ZNF543: variants seen among roughly 807,000 people sequenced by gnomAD.
The protein encoded by ZNF543 is zinc finger protein 543.
In ZNF543, 10 loss-of-function variants were observed where a neutral mutation model predicts 13.4. The ratio of observed to expected loss-of-function variants is 0.75; its 90% CI spans 0.46 to 1.26. The LOEUF (loss-of-function observed/expected upper bound fraction) is 1.26, where lower values mean the gene tolerates loss of function less well. ZNF543 is among the 50% of genes most tolerant of loss of function. ZNF543 has a pLI of 0.00. For missense variants in ZNF543, 768 were observed against 741.2 expected, an observed-to-expected ratio of 1.04 and a Z score of -0.42; for synonymous variants, 272 against 264.7, an observed-to-expected ratio of 1.03 and a Z score of -0.27.
Position 57,328,688 on chromosome 19 carries a change from A to G in ZNF543, c.1226A>G (p.His409Arg). ...GGGAAGGCGTTCAACCGTAGGTCAC[A>G]CCTCAAGCAGCATCAACGGATTCAC... ...ECGKAFNRRS[H>R]LKQHQRIHTG... The change falls in exon 4 of 4, where the codon CAC becomes CGC. Residue 409 changes from histidine (H) to arginine (R), a missense_variant. His to Arg is a conservative substitution (Grantham distance 29). Coordinates refer to ENST00000321545, the MANE Select transcript of ZNF543 (RefSeq NM_213598.4). 6.2e-7 allele frequency: 1 copy of G among 1,613,470 alleles called. No homozygotes were observed. The highest frequency in any genetic ancestry group is 8.5e-7 in the Non-Finnish European group (1 of 1,179,660).
chr19:57,328,837 G>A lies in ZNF543; in HGVS notation c.1375G>A (p.Ala459Thr), dbSNP rs1600055263. Residue 459 changes from alanine to threonine, a missense_variant, in exon 4 of 4, where the codon GCC (alanine) becomes ACC (threonine). Physicochemically the swap from Ala to Thr is moderately conservative, Grantham distance 58 (BLOSUM62 0). Transcript: ENST00000321545. ...KPYECKECGK[A>T]FSDRADLIRH... Reference sequence around the variant, plus strand: ...CTATGAATGCAAAGAATGTGGAAAAGCCTTTAGTGATAGGGCAGACCTCAT... The same window carrying A: ...CTATGAATGCAAAGAATGTGGAAAAACCTTTAGTGATAGGGCAGACCTCAT... 11 of 1,613,922 alleles carry A rather than the reference G, an allele frequency of 6.8e-6. No individual in the cohort carries two copies. The East Asian group carries it at 2.5e-4, about 36-fold the overall frequency.
intron 2 of ZNF543, 109 bp downstream of exon 2, chr19:57,323,917 G>A (rs750813497): frequency 1.4e-6 from 2 of 1,414,856 alleles, no homozygotes; most frequent in Non-Finnish European, 1.9e-6. Context: ...CCACGCAGGG[G>A]TGTTCACCAT....
Position 57,328,142 on chromosome 19 carries a change from A to G in ZNF543, c.680A>G (p.Tyr227Cys), listed in dbSNP as rs757469138. 8.1e-6 allele frequency: 13 copies of G among 1,614,116 alleles called. No individual in the cohort carries two copies. Among genetic ancestry groups the G allele is most frequent in the East Asian group, 6.7e-5 (3 of 44,898 alleles). Reference sequence around the variant, plus strand: ...CGGATTCACACTCAAGTGAAGCCCTATGAATGCACAGAGTGTGGGAAAACC... The same window carrying G: ...CGGATTCACACTCAAGTGAAGCCCTGTGAATGCACAGAGTGTGGGAAAACC... ...HERIHTQVKP[Y>C]ECTECGKTFS... The change falls in exon 4 of 4, where the codon TAT (tyrosine) becomes TGT (cysteine). Residue 227 changes from tyrosine to cysteine, a missense_variant. By Grantham distance (194) the Tyr-to-Cys change is radical. Coordinates refer to ENST00000321545, the MANE Select transcript of ZNF543 (RefSeq NM_213598.4).
chr19:57,328,279 C>T lies in ZNF543; in HGVS notation c.817C>T (p.His273Tyr). 2 of 1,613,786 alleles carry T rather than the reference C, an allele frequency of 1.2e-6. No homozygotes were observed. Among genetic ancestry groups the T allele is most frequent in the South Asian group, 1.1e-5 (1 of 91,062 alleles). ...TAACCGCAGGTCACACCTCACACGG[C>T]ACCAGCGGATTCACAGTGGAGAGAA... ...AFNRRSHLTR[H>Y]QRIHSGEKPY... Residue 273 changes from histidine to tyrosine, a missense_variant, in exon 4 of 4, where the codon CAC (histidine) becomes TAC (tyrosine). His to Tyr is a moderately conservative substitution (Grantham distance 83). This residue lies in a region of ZNF543 where 677 missense variants were observed against 631.4 expected (regional missense o/e 1.07). Coordinates refer to ENST00000321545, the MANE Select transcript of ZNF543 (RefSeq NM_213598.4).
intron 2 of ZNF543, among the ~76,000 whole-genome samples, chr19:57,324,231 A>G (rs1165688695): frequency 2.0e-5 from 3 of 151,946 alleles, no homozygotes; most frequent in Admixed American, 2.0e-4. Flanking sequence ...GGTGCCTGTA[A>G]TCCCAGCTAC....
chr19:57,323,917 G>C, intron 2 of ZNF543, 109 bp downstream of exon 2: 1 of 1,414,856 alleles, frequency 7.1e-7, no homozygotes, highest in Non-Finnish European at 9.6e-7. Flanking sequence ...CCACGCAGGG[G>C]TGTTCACCAT....
rs1408614044 is a variant in ZNF543 at position 57,330,296 on chromosome 19, A to G, written c.*1031A>G. ...TTTTTTTTTTAAGTTTTCCTGGGAT[A>G]GGGATGATAGTGTAATTGTTCATGC... On this transcript the variant is annotated 3_prime_UTR_variant, in exon 4 of 4. Transcript: ENST00000321545. 1 of 147,132 alleles carries G rather than the reference A, an allele frequency of 6.8e-6. No homozygotes were observed. Among genetic ancestry groups the G allele is most frequent in the Non-Finnish European group, 1.5e-5 (1 of 67,244 alleles). 9.1% of individuals were successfully genotyped at this position (147,132 alleles called of 1,614,324 possible).
At chr19:57,326,788 A>G in intron 3 of ZNF543, 60 bp downstream of exon 3, 2 of 1,368,944 alleles carry the variant, frequency 1.5e-6, no homozygotes, top group Non-Finnish European at 2.1e-6. Context: ...AAAAGTGAAC[A>G]CTGCCTCTGA....
At chr19:57,324,410 G>T (rs2088109103) in intron 2 of ZNF543, among the ~76,000 whole-genome samples, 1 of 152,026 alleles carries the variant, frequency 6.6e-6, no homozygotes, top group East Asian at 1.9e-4. Flanking sequence ...CTAGTGTGAG[G>T]GCAAATGGTT....
intron 2 of ZNF543, 112 bp from the exon 3 acceptor site, chr19:57,326,521 C>T (rs1166363478): frequency 5.2e-6 from 4 of 766,290 alleles, no homozygotes; most frequent in Non-Finnish European, 8.6e-6. Context: ...CTTTGCTTGG[C>T]TGAGAATAGC....
In ZNF543 at chr19:57,328,477, T is replaced by A. The variant is rs1416108222; in HGVS notation, c.1015T>A (p.Tyr339Asn). 3.1e-6 allele frequency: 5 copies of A among 1,614,096 alleles called. No individual in the cohort carries two copies. Among genetic ancestry groups the A allele is most frequent in the Non-Finnish European group, 4.2e-6 (5 of 1,180,054 alleles). ...CATCATCCACACGGGAGAGAAGCCC[T>A]ATGAGTGCATTGAGTGTGGGAAGGC... ...HYIIHTGEKP[Y>N]ECIECGKAFN... The change falls in exon 4 of 4, where the codon TAT becomes AAT. Residue 339 changes from tyrosine to asparagine, a missense_variant. Around this residue, in one of 3 missense-constraint regions of ZNF543, gnomAD observed 677 missense variants for 631.4 expected, o/e 1.07. Coordinates refer to ENST00000321545, the MANE Select transcript of ZNF543 (RefSeq NM_213598.4).
In ZNF543 at chr19:57,323,247, A is replaced by C. The variant is rs185938118; in HGVS notation, c.19-435A>C. Reference sequence around the variant, plus strand: ...CGCTCTGTCACCCAGGCTGGAGTACAGTGGCACGATCTCGGCTCACTGCAA... The same window carrying C: ...CGCTCTGTCACCCAGGCTGGAGTACCGTGGCACGATCTCGGCTCACTGCAA... On this transcript the variant is annotated intron_variant, in intron 1 of 3. Coordinates refer to ENST00000321545, the MANE Select transcript of ZNF543 (RefSeq NM_213598.4). 3.0e-3 allele frequency among the ~76,000 whole-genome samples: 448 copies of C among 150,106 alleles called. 4 individuals are homozygous for C. The highest frequency in any genetic ancestry group is 0.01 in the African/African-American group (427 of 40,702).
In ZNF543 at chr19:57,327,813, A is replaced by G. The variant is rs138140849; in HGVS notation, c.351A>G (p.Gln117=). The change falls in exon 4 of 4, where the codon CAA becomes CAG. Residue 117 remains glutamine (Q), a synonymous_variant. Coordinates refer to ENST00000321545, the MANE Select transcript of ZNF543 (RefSeq NM_213598.4). ...CACAAGGAGCCTCAAAGAACTCCCA[A>G]TTAGGGCAATCCAAGGATCAGGATG... The part of the protein sequence containing the change: ...QLTQGASKNS[Q]LGQSKDQDGP... 382 of 1,614,132 alleles carry G rather than the reference A, an allele frequency of 2.4e-4. 3 individuals carry two copies. In the East Asian group the frequency reaches 8.0e-3, roughly 34 times the overall value.
chr19:57,328,942 C>A lies in ZNF543; in HGVS notation c.1480C>A (p.Leu494Ile). The A allele has an allele frequency of 6.2e-7, 1 of 1,614,144 alleles. No individual in the cohort carries two copies. The highest frequency in any genetic ancestry group is 8.5e-7 in the Non-Finnish European group (1 of 1,180,006). Residue 494 changes from leucine to isoleucine, a missense_variant, in exon 4 of 4, where the codon CTC (leucine) becomes ATC (isoleucine). Around this residue, in one of 3 missense-constraint regions of ZNF543, gnomAD observed 677 missense variants for 631.4 expected, o/e 1.07. Coordinates refer to ENST00000321545, the MANE Select transcript of ZNF543 (RefSeq NM_213598.4). Reference sequence around the variant, plus strand: ...AAAGGCCTTCAACCGCAGCTCACACCTCACGAGGCACCAACAGATTCACAC... The same window carrying A: ...AAAGGCCTTCAACCGCAGCTCACACATCACGAGGCACCAACAGATTCACAC... ...CGKAFNRSSH[L>I]TRHQQIHTGE...
chr19:57,321,229 C>T (rs541613335), intron 1 of ZNF543, among the ~76,000 whole-genome samples: 1 of 152,170 alleles, frequency 6.6e-6, no homozygotes, highest in Admixed American at 6.6e-5. Context: ...CCAACCTGAC[C>T]GTGCAGTCTT....
At position 57,329,627 on chromosome 19, in the gene ZNF543, C is replaced by T. The variant is rs963076819; in HGVS notation, c.*362C>T. 4.8e-5 allele frequency: 8 copies of T among 166,920 alleles called. No homozygotes were observed. The highest frequency in any genetic ancestry group is 1.4e-4 in the African/African-American group (6 of 41,526). The allele number at this position is 166,920 out of a possible 1,614,324, so 10.3% of individuals were successfully genotyped here. On this transcript the variant is annotated 3_prime_UTR_variant, in exon 4 of 4. Coordinates refer to ENST00000321545, the MANE Select transcript of ZNF543 (RefSeq NM_213598.4). ...TCCCGGGTTCACGCCATTCTCCTGC[C>T]TCAGCCTCCCAAGTAGCTGGGACTA...
At position 57,329,217 on chromosome 19, in the gene ZNF543, A is replaced by G. The variant is rs1568510931; in HGVS notation, c.1755A>G (p.Leu585=). Residue 585 remains leucine, a synonymous_variant, in exon 4 of 4, where the codon TTA becomes TTG. Coordinates refer to ENST00000321545, the MANE Select transcript of ZNF543 (RefSeq NM_213598.4). Reference sequence around the variant, plus strand: ...CTTCAGTCAACATCCAGGAACTTTTATTAGGGAAAGAGTTTTTGAATATCA... The same window carrying G: ...CTTCAGTCAACATCCAGGAACTTTTGTTAGGGAAAGAGTTTTTGAATATCA... The part of the protein sequence containing the change: ...AQTSVNIQEL[L]LGKEFLNITT... The G allele has an allele frequency of 2.5e-6, 4 of 1,612,916 alleles. No homozygotes were observed. In the African/African-American group the frequency reaches 5.3e-5, roughly 22 times the overall value.
Position 57,329,320 on chromosome 19 carries a change from C to T in ZNF543, c.*55C>T, listed in dbSNP as rs906621938. 1.3e-6 allele frequency: 2 copies of T among 1,526,262 alleles called. No homozygotes were observed. The highest frequency in any genetic ancestry group is 1.4e-5 in the African/African-American group (1 of 71,976). 94.5% of individuals were successfully genotyped at this position (1,526,262 alleles called of 1,614,324 possible). A position where few individuals can be genotyped will look rare whatever the true frequency, so the allele number is the denominator to read the frequency against. ...CACTGAAGAGAAACTTCATAAGCAT[C>T]CTCTCTTTGAGAAAACGTGTAATAG... is the stretch of plus-strand genomic sequence containing the variant. On this transcript the variant is annotated 3_prime_UTR_variant, in exon 4 of 4. Coordinates refer to ENST00000321545, the MANE Select transcript of ZNF543 (RefSeq NM_213598.4).
At position 57,329,130 on chromosome 19, in the gene ZNF543, T is replaced by G. The variant is rs112132140; in HGVS notation, c.1668T>G (p.Ile556Met). 1 of 1,614,080 alleles carries G rather than the reference T, an allele frequency of 6.2e-7. No individual in the cohort carries two copies. The highest frequency in any genetic ancestry group is 8.5e-7 in the Non-Finnish European group (1 of 1,180,040). The change falls in exon 4 of 4, where the codon ATT becomes ATG. Residue 556 changes from isoleucine to methionine, a missense_variant. Physicochemically the swap from Ile to Met is conservative, Grantham distance 10. Transcript: ENST00000321545. The part of the protein sequence containing the change: ...RGSSLTHHQR[I>M]HTGRNPTIVT... ...CATCCCTCACACATCATCAAAGGAT[T>G]CATACTGGGAGAAACCCTACCATTG... is the stretch of plus-strand genomic sequence containing the variant.
Sources: allele counts gnomAD v4.1 joint callset (sites outside exome capture counted in the v4.1 genomes callset), GRCh38; gene constraint gnomAD v4.1.1; regional missense constraint gnomAD v4.1.1; transcripts MANE v1.5; gene names NCBI Gene and HGNC (gene_info 2026-07-23, HGNC 2026-07-21).